Variants in ZNF821 observed in about 807,000 individuals in gnomAD.
ZNF821 encodes zinc finger protein 821.
Under a neutral mutation model 44.3 loss-of-function variants are expected in ZNF821, and 16 were observed. The observed-to-expected ratio is 0.36, with a 90% CI of 0.24 to 0.55. ZNF821 has a LOEUF of 0.55. Ranked by LOEUF, ZNF821 falls within the 20% of genes least tolerant of loss-of-function variation. The pLI is 0.86. For missense variants in ZNF821, 436 were observed against 547.6 expected, an observed-to-expected ratio of 0.80 and a Z score of 2.03; for synonymous variants, 204 against 197.6, an observed-to-expected ratio of 1.03 and a Z score of -0.27.
In ZNF821 at chr16:71,864,008, G is replaced by A. The variant is rs1392651049; in HGVS notation, c.417+130C>T. The stretch of plus-strand genomic sequence containing the variant: ...CCACTGCGCCCAGCCTCCCTAAGAC[G>A]AATCTTAATAGAAGTGACAACCCAA... On this transcript the variant is annotated intron_variant, in intron 6 of 7. Transcript: ENST00000425432. 2.2e-5 allele frequency: 18 copies of A among 809,094 alleles called. No individual in the cohort carries two copies. In the Admixed American group the frequency reaches 3.5e-4, roughly 16 times the overall value. 50.1% of individuals were successfully genotyped at this position (809,094 alleles called of 1,614,324 possible).
rs1401116032 is a variant in ZNF821 at position 71,860,931 on chromosome 16, C to T, written c.585-259G>A. 6.6e-6 allele frequency among the ~76,000 whole-genome samples: 1 copy of T among 151,222 alleles called. No individual in the cohort carries two copies. Among genetic ancestry groups the T allele is most frequent in the African/African-American group, 2.4e-5 (1 of 41,186 alleles). ...AGTACAATGGTGCAATCTCAGCTCA[C>T]TGCAACCTCCGCCTCCTAGGTTCAA... On this transcript the variant is annotated intron_variant, in intron 7 of 7. Coordinates refer to ENST00000425432, the MANE Select transcript of ZNF821 (RefSeq NM_001201552.2). This position sits in a 1 kb window ranked among gnomAD's most constrained non-coding sequence, Gnocchi z 7.3.
At chr16:71,893,288 A>G (rs1167737874) in intron 1 of ZNF821, among the ~76,000 whole-genome samples, 3 of 151,786 alleles carry the variant, frequency 2.0e-5, no homozygotes, top group Non-Finnish European at 4.4e-5. Context: ...CGGCCTCCCA[A>G]AGTGCTGGGA....
chr16:71,891,685 C>A (rs1251329325), intron 1 of ZNF821, among the ~76,000 whole-genome samples: 1 of 152,122 alleles, frequency 6.6e-6, no homozygotes, highest in Non-Finnish European at 1.5e-5. Flanking sequence ...ACCAGCCTGG[C>A]CAACATGGTG....
intron 4 of ZNF821, 122 bp downstream of exon 4, chr16:71,867,790 G>A: frequency 7.5e-7 from 1 of 1,326,938 alleles, no homozygotes; most frequent in Non-Finnish European, 1.0e-6. Context: ...GGACACTGAG[G>A]ATCCACATAT....
At chr16:71,862,504 C>T (rs1049084163) in intron 6 of ZNF821, among the ~76,000 whole-genome samples, 5 of 152,070 alleles carry the variant, frequency 3.3e-5, no homozygotes, top group African/African-American at 1.2e-4. Context: ...ACAACAACAA[C>T]AGTGGGGCGC....
intron 5 of ZNF821, 139 bp downstream of exon 5, chr16:71,864,764 G>A: frequency 1.9e-6 from 2 of 1,039,042 alleles, no homozygotes; most frequent in Non-Finnish European, 1.4e-6. Context: ...GTGGGTTCTG[G>A]TGCCATGAAG....
In ZNF821 at chr16:71,860,633, G is replaced by A; in HGVS notation, c.624C>T (p.Pro208=). The change falls in exon 8 of 8, where the codon CCC becomes CCT. Residue 208 remains proline, a synonymous_variant. Coordinates refer to ENST00000425432, the MANE Select transcript of ZNF821 (RefSeq NM_001201552.2). This position sits in a 1 kb window ranked among gnomAD's most constrained non-coding sequence, Gnocchi z 7.3. Reference sequence around the variant, plus strand: ...TGGAGGGACCCTCATTGTGGACTGTGGGTAGGGATTCCATATTTAGTACTT... The same window carrying A: ...TGGAGGGACCCTCATTGTGGACTGTAGGTAGGGATTCCATATTTAGTACTT... ...LPEVLNMESL[P]TVHNEGPSSA... is the part of the protein sequence containing the mutation. 2 of 1,613,932 alleles carry A rather than the reference G, an allele frequency of 1.2e-6. No homozygotes were observed. The highest frequency in any genetic ancestry group is 1.7e-6 in the Non-Finnish European group (2 of 1,179,976).
intron 4 of ZNF821, 86 bp from the exon 5 acceptor site, chr16:71,865,134 T>C (rs2034386902): frequency 1.3e-6 from 2 of 1,521,436 alleles, no homozygotes; most frequent in Admixed American, 1.8e-5. Flanking sequence ...GCAGTTACAA[T>C]AGAAAACATT....
chr16:71,866,672 C>G (rs2034583278), intron 4 of ZNF821, among the ~76,000 whole-genome samples: 3 of 152,068 alleles, frequency 2.0e-5, no homozygotes, highest in Admixed American at 6.5e-5. Flanking sequence ...GAATGGAAAA[C>G]TATTAGATGT....
At chr16:71,882,632 G>C (rs1401196603) in intron 2 of ZNF821, among the ~76,000 whole-genome samples, 1 of 152,192 alleles carries the variant, frequency 6.6e-6, no homozygotes. Context: ...CTTCACACCT[G>C]AGTGATCAAG....
intron 5 of ZNF821, chr16:71,864,633 C>T: frequency 2.2e-6 from 1 of 460,844 alleles, no homozygotes; most frequent in South Asian, 3.1e-5. Context: ...TCTACTTCAA[C>T]AAAGTTTCTC....
intron 1 of ZNF821, among the ~76,000 whole-genome samples, chr16:71,893,046 T>G (rs1278143558): frequency 1.4e-5 from 2 of 140,818 alleles, no homozygotes. Context: ...TTTTTTTTTT[T>G]TGAGATATAG....
intron 3 of ZNF821, among the ~76,000 whole-genome samples, chr16:71,877,710 G>A (rs1300229714): frequency 2.0e-5 from 3 of 151,818 alleles, no homozygotes; most frequent in Non-Finnish European, 4.4e-5. Context: ...CTTGAGCTCA[G>A]GAGTTCAAGA....
intron 2 of ZNF821, 66 bp from the exon 3 acceptor site, chr16:71,880,089 T>A (rs2036267980): frequency 1.4e-6 from 1 of 713,140 alleles, no homozygotes; most frequent in Non-Finnish European, 2.2e-6. Flanking sequence ...AATTTAAAGA[T>A]AAAATGTCCT....
At chr16:71,890,977 T>C (rs545905653) in intron 1 of ZNF821, among the ~76,000 whole-genome samples, 33 of 151,990 alleles carry the variant, frequency 2.2e-4, no homozygotes, top group Admixed American at 3.9e-4. Flanking sequence ...GGTTTCACTG[T>C]GTTAGCCAGG....
intron 3 of ZNF821, among the ~76,000 whole-genome samples, chr16:71,874,394 C>T (rs1432255032): frequency 1.3e-5 from 2 of 152,152 alleles, no homozygotes; most frequent in Admixed American, 6.5e-5. Context: ...TATATTTAAG[C>T]AAAGCTTAAT....
At chr16:71,892,664 C>A (rs1369796495) in intron 1 of ZNF821, among the ~76,000 whole-genome samples, 2 of 151,516 alleles carry the variant, frequency 1.3e-5, no homozygotes, top group Non-Finnish European at 2.9e-5. Context: ...CTCCGCCTCC[C>A]CGGTTCAAGC....
intron 6 of ZNF821, 75 bp downstream of exon 6, chr16:71,864,063 G>C: frequency 7.4e-7 from 1 of 1,357,208 alleles, no homozygotes; most frequent in East Asian, 2.3e-5. Context: ...GAGAGACAAA[G>C]GCCAAACCAG....
At chr16:71,867,875 A>G (rs1452232267) in intron 4 of ZNF821, 37 bp downstream of exon 4, 20 of 1,532,438 alleles carry the variant, frequency 1.3e-5, no homozygotes, top group African/African-American at 6.8e-5. Flanking sequence ...TTCTTCTCCC[A>G]TTGCCCTGAG....
Sources: gnomAD v4.1 joint callset for allele counts (sites outside exome capture counted in the v4.1 genomes callset) on GRCh38, gnomAD v4.1.1 for gene constraint, Gnocchi (gnomAD v3.1) non-coding constraint, MANE v1.5 for transcripts, NCBI Gene and HGNC (gene_info 2026-07-23, HGNC 2026-07-21) for gene names.